SAMMSON: variants seen among roughly 807,000 people sequenced by gnomAD.
The protein encoded by SAMMSON is long intergenic non-protein coding RNA 1212.
At chr3:70,350,041 C>T (rs957080369) in intron 7 of SAMMSON, among the ~76,000 whole-genome samples, 2 of 152,118 alleles carry the variant, frequency 1.3e-5, no homozygotes, top group Non-Finnish European at 2.9e-5. Context: ...AAACTTCTTC[C>T]TTTTGGATAC....
intron 4 of SAMMSON, among the ~76,000 whole-genome samples, chr3:70,215,254 A>G (rs1701395197): frequency 6.6e-6 from 1 of 152,026 alleles, no homozygotes; most frequent in Non-Finnish European, 1.5e-5. Context: ...GCCCAAGATT[A>G]CCCCGCTGGT....
intron 4 of SAMMSON, chr3:70,197,048 T>C (rs773741870): frequency 5.0e-6 from 2 of 398,436 alleles, no homozygotes; most frequent in Non-Finnish European, 8.8e-6. Flanking sequence ...CGAGAGTGGT[T>C]TTCATCCGAG....
intron 4 of SAMMSON, among the ~76,000 whole-genome samples, chr3:70,150,897 C>T (rs930699549): frequency 1.3e-5 from 2 of 151,796 alleles, no homozygotes; most frequent in Non-Finnish European, 2.9e-5. Flanking sequence ...AACACAGAAT[C>T]GTGTGAATAA....
intron 4 of SAMMSON, among the ~76,000 whole-genome samples, chr3:70,243,414 G>A (rs1298515398): frequency 1.3e-5 from 2 of 152,162 alleles, no homozygotes; most frequent in African/African-American, 2.4e-5. Flanking sequence ...GTGAAATTCT[G>A]TGTGCAGCAG....
chr3:70,116,292 CTTT>C (rs57252778), intron 4 of SAMMSON, among the ~76,000 whole-genome samples: 2 of 118,214 alleles, frequency 1.7e-5, no homozygotes, highest in African/African-American at 3.2e-5. Flanking sequence ...GCGATGCTTT[CTTT>C]TTTTTTTTTT....
At chr3:70,245,293 A>T (rs892033655) in intron 4 of SAMMSON, among the ~76,000 whole-genome samples, 1 of 152,132 alleles carries the variant, frequency 6.6e-6, no homozygotes, top group African/African-American at 2.4e-5. Context: ...ATATAAAATT[A>T]CTTTTGGATA....
chr3:70,394,052 G>A (rs1370142302), downstream of SAMMSON, among the ~76,000 whole-genome samples: 1 of 152,126 alleles, frequency 6.6e-6, no homozygotes, highest in Non-Finnish European at 1.5e-5. Context: ...TCCAGCAGTA[G>A]CAGTACAATG....
At chr3:70,074,514 A>C (rs544758972) in intron 4 of SAMMSON, among the ~76,000 whole-genome samples, 4 of 152,268 alleles carry the variant, frequency 2.6e-5, no homozygotes, top group African/African-American at 9.6e-5. Flanking sequence ...TATTTATATA[A>C]TTTGATAGTG....
chr3:70,171,629 T>G (rs966523116), intron 4 of SAMMSON, among the ~76,000 whole-genome samples: 2 of 151,810 alleles, frequency 1.3e-5, no homozygotes, highest in African/African-American at 4.8e-5. Context: ...GGGGGGAGCT[T>G]GACTCCCAGT....
chr3:70,380,672 C>T lies in SAMMSON; in HGVS notation n.914-8902C>T, dbSNP rs909799885. On this transcript the variant is annotated intron_variant and non_coding_transcript_variant, in intron 9 of 9. Coordinates refer to ENST00000642114, the Ensembl canonical transcript of SAMMSON. ...TCGTCATTTAACATTAGGTATATCT[C>T]CTAATGCTATCCCTCCCCTCTCCCC... Among the ~76,000 whole-genome samples the T allele has an allele frequency of 2.6e-5, 4 of 152,042 alleles. No homozygotes were observed. In the East Asian group the frequency reaches 5.8e-4, roughly 22 times the overall value.
At chr3:70,258,225 T>C (rs1479036944) in intron 6 of SAMMSON, among the ~76,000 whole-genome samples, 1 of 152,086 alleles carries the variant, frequency 6.6e-6, no homozygotes, top group Non-Finnish European at 1.5e-5. Flanking sequence ...CTTTGAGCAA[T>C]AGGGTGGGCA....
chr3:70,417,999 T>C (rs188096395), intron 2 of SAMMSON, among the ~76,000 whole-genome samples: 6 of 152,296 alleles, frequency 3.9e-5, no homozygotes, highest in African/African-American at 1.4e-4. Flanking sequence ...CTTTGCCTCA[T>C]TTTGTGAATC....
At chr3:70,330,554 C>T (rs1032788411) in intron 7 of SAMMSON, among the ~76,000 whole-genome samples, 1 of 151,982 alleles carries the variant, frequency 6.6e-6, no homozygotes, top group African/African-American at 2.4e-5. Flanking sequence ...ATTTGCATAT[C>T]TATTCATTCA....
chr3:70,342,606 T>A (rs753601970), intron 7 of SAMMSON, among the ~76,000 whole-genome samples: 2 of 152,326 alleles, frequency 1.3e-5, no homozygotes, highest in East Asian at 3.9e-4. Context: ...CATTTTCCAA[T>A]GGAATCCCAA....
At chr3:70,222,578 A>G (rs1286204092) in intron 4 of SAMMSON, among the ~76,000 whole-genome samples, 1 of 152,176 alleles carries the variant, frequency 6.6e-6, no homozygotes, top group Admixed American at 6.5e-5. Context: ...AAGAGACTCA[A>G]AAGGGTTGAA....
intron 4 of SAMMSON, among the ~76,000 whole-genome samples, chr3:70,110,933 G>A (rs544904023): frequency 6.6e-6 from 1 of 152,154 alleles, no homozygotes; most frequent in Admixed American, 6.5e-5. Flanking sequence ...ATGTTTCTCT[G>A]ATCAAATTTA....
At chr3:70,032,601 G>T (rs1255752199) in intron 3 of SAMMSON, among the ~76,000 whole-genome samples, 2 of 152,186 alleles carry the variant, frequency 1.3e-5, no homozygotes, top group Admixed American at 1.3e-4. Flanking sequence ...CTATTAATGA[G>T]TTGATATCCT....
At chr3:70,180,028 G>A (rs1217366967) in intron 4 of SAMMSON, among the ~76,000 whole-genome samples, 2 of 148,040 alleles carry the variant, frequency 1.4e-5, no homozygotes, top group Admixed American at 6.7e-5. Context: ...GTGTGTGTGT[G>A]CGCGCACGTG....
chr3:70,376,111 C>A (rs1363098246), intron 9 of SAMMSON, among the ~76,000 whole-genome samples: 2 of 152,056 alleles, frequency 1.3e-5, no homozygotes, highest in African/African-American at 4.8e-5. Flanking sequence ...TTTCATACTG[C>A]AGAAGAATCA....
Sources: gnomAD v4.1 joint callset for allele counts (sites outside exome capture counted in the v4.1 genomes callset) on GRCh38, gnomAD v4.1.1 for gene constraint, MANE v1.5 for transcripts, NCBI Gene and HGNC (gene_info 2026-07-23, HGNC 2026-07-21) for gene names.